The following ELFN2 variants were observed in gnomAD, a reference collection of about 807,000 sequenced individuals.
ELFN2 encodes protein phosphatase 1 regulatory subunit 29.
A neutral mutation model predicts 45.5 loss-of-function variants in ELFN2; 17 were observed. That is an observed-to-expected ratio of 0.37 (90% CI 0.26 to 0.56). The LOEUF (loss-of-function observed/expected upper bound fraction) is 0.56. Ranked by LOEUF, ELFN2 falls within the 20% of genes least tolerant of loss-of-function variation. The pLI, the probability that ELFN2 is intolerant of heterozygous loss-of-function variation, is 0.77. For missense variants in ELFN2, 922 were observed against 1,183.2 expected, an observed-to-expected ratio of 0.78 and a Z score of 3.24; for synonymous variants, 550 against 551.5, an observed-to-expected ratio of 1.00 and a Z score of 0.04.
intron 2 of ELFN2, among the ~76,000 whole-genome samples, chr22:37,412,093 C>G (rs1400876189): frequency 2.6e-5 from 4 of 152,036 alleles, no homozygotes; most frequent in Admixed American, 2.6e-4. Context: ...GCCTGTAATC[C>G]CAGCATTTTG....
intron 1 of ELFN2, among the ~76,000 whole-genome samples, chr22:37,357,274 G>C (rs1436066461): frequency 6.6e-6 from 1 of 152,172 alleles, no homozygotes; most frequent in African/African-American, 2.4e-5. Context: ...ACTTGAGTAC[G>C]GGGCCTCACG....
At chr22:37,381,632 C>T (rs139129108) in intron 2 of ELFN2, among the ~76,000 whole-genome samples, 271 of 152,222 alleles carry the variant, frequency 1.8e-3, no homozygotes, top group Middle Eastern at 0.014. Flanking sequence ...CACTACCTGA[C>T]GTCACTTAAT....
At position 37,396,602 on chromosome 22, in the gene ELFN2, C is replaced by T. The variant is rs1377324642; in HGVS notation, c.-462-20606G>A. 2.6e-5 allele frequency among the ~76,000 whole-genome samples: 4 copies of T among 152,322 alleles called. No individual in the cohort carries two copies. The East Asian group carries it at 7.7e-4, about 29-fold the overall frequency. On this transcript the variant is annotated intron_variant, in intron 2 of 2. Transcript: ENST00000402918. ...GTGAGGAAACTGAACCCAGAGAGGA[C>T]AAGAGCCTTGAGCCCTACGGCCTCC...
At position 37,373,782 on chromosome 22, in the gene ELFN2, C is replaced by G; in HGVS notation, c.1753G>C (p.Ala585Pro). ...GGGCCAGTGGCTGAGGAGGCGGCAGCAGCTGCAGGGAGGGACTGGCACTCG... is the reference window on the plus strand; with the variant it reads ...GGGCCAGTGGCTGAGGAGGCGGCAGGAGCTGCAGGGAGGGACTGGCACTCG... ...AFECQSLPAA[A>P]AASSATGPGA... Residue 585 changes from alanine to proline, a missense_variant, in exon 3 of 3, where the codon GCT becomes CCT. This residue lies in a region of ELFN2 where 564 missense variants were observed against 642.8 expected (regional missense o/e 0.88). Transcript: ENST00000402918. 6.3e-7 allele frequency: 1 copy of G among 1,598,630 alleles called. No individual in the cohort carries two copies. Among genetic ancestry groups the G allele is most frequent in the East Asian group, 2.2e-5 (1 of 44,798 alleles).
At position 37,374,724 on chromosome 22, in the gene ELFN2, C is replaced by T. The variant is rs1432979878; in HGVS notation, c.811G>A (p.Glu271Lys). The stretch of plus-strand genomic sequence containing the variant: ...TCGTCGGGGTTGAAGCCCGAGTTCT[C>T]GTCTGGCTCCCTCTGGGCGTCGGTG... ...YSTDAQREPD[E>K]NSGFNPDEIL... Residue 271 changes from glutamate to lysine, a missense_variant, in exon 3 of 3, where the codon GAG (glutamate) becomes AAG (lysine). By Grantham distance (56) the Glu-to-Lys change is moderately conservative. Coordinates refer to ENST00000402918, the MANE Select transcript of ELFN2 (RefSeq NM_052906.5). The T allele has an allele frequency of 6.2e-7, 1 of 1,611,854 alleles. No individual in the cohort carries two copies. Among genetic ancestry groups the T allele is most frequent in the Non-Finnish European group, 8.5e-7 (1 of 1,178,780 alleles).
At chr22:37,425,422 G>A (rs930113031) in intron 1 of ELFN2, among the ~76,000 whole-genome samples, 18 of 152,140 alleles carry the variant, frequency 1.2e-4, no homozygotes, top group African/African-American at 3.9e-4. Flanking sequence ...GAGGGACCAC[G>A]CCACGCGTCC....
chr22:37,377,583 G>A (rs1294061643), intron 2 of ELFN2, among the ~76,000 whole-genome samples: 1 of 152,246 alleles, frequency 6.6e-6, no homozygotes, highest in East Asian at 1.9e-4. Context: ...GTGAGGGGTC[G>A]GGGGTTAATC....
At chr22:37,419,991 C>T (rs920009777) in intron 1 of ELFN2, among the ~76,000 whole-genome samples, 3 of 152,286 alleles carry the variant, frequency 2.0e-5, no homozygotes, top group African/African-American at 7.2e-5. Context: ...AAATTGGCTG[C>T]GAGCGTCAGG....
intron 1 of ELFN2, among the ~76,000 whole-genome samples, chr22:37,345,120 G>A (rs1369422254): frequency 1.5e-5 from 2 of 133,600 alleles, no homozygotes; most frequent in Admixed American, 7.1e-5. Flanking sequence ...CTACCTTCCT[G>A]TGCCCCCTTC....
At position 37,408,303 on chromosome 22, in the gene ELFN2, G is replaced by A. The variant is rs559958179; in HGVS notation, c.-463+9466C>T. ...ATCAGCTCCCAATCACGGGATCTGC[G>A]GCCCGCACTCCAGGGGATACACTCA... On this transcript the variant is annotated intron_variant, in intron 2 of 2. Coordinates refer to ENST00000402918, the MANE Select transcript of ELFN2 (RefSeq NM_052906.5). Among the ~76,000 whole-genome samples the A allele has an allele frequency of 3.7e-4, 57 of 152,316 alleles. 1 individual carries two copies. In the South Asian group the frequency reaches 0.011, roughly 29 times the overall value.
chr22:37,350,488 C>T (rs768873630), intron 1 of ELFN2, among the ~76,000 whole-genome samples: 1 of 150,456 alleles, frequency 6.6e-6, no homozygotes, highest in Non-Finnish European at 1.5e-5. Flanking sequence ...CACTACTGAT[C>T]CCACATTGCT....
At chr22:37,413,021 T>C (rs1274682521) in intron 2 of ELFN2, among the ~76,000 whole-genome samples, 1 of 152,100 alleles carries the variant, frequency 6.6e-6, no homozygotes, top group Non-Finnish European at 1.5e-5. Context: ...GAAGAGAATC[T>C]CTCCAGGCCT....
chr22:37,341,845 A>T (rs1601727984), intron 2 of ELFN2, among the ~76,000 whole-genome samples: 1 of 152,228 alleles, frequency 6.6e-6, no homozygotes, highest in African/African-American at 2.4e-5. Context: ...GCCCCTCCTC[A>T]GAATGAGGAA....
intron 2 of ELFN2, among the ~76,000 whole-genome samples, chr22:37,399,027 A>G (rs1363878130): frequency 6.6e-6 from 1 of 152,098 alleles, no homozygotes; most frequent in Non-Finnish European, 1.5e-5. Context: ...CACAGCGTCC[A>G]GCCTTTTCCT....
At chr22:37,426,000 C>T (rs1245590137) in intron 1 of ELFN2, among the ~76,000 whole-genome samples, 4 of 152,124 alleles carry the variant, frequency 2.6e-5, no homozygotes, top group Non-Finnish European at 5.9e-5. Flanking sequence ...CCTCCAGGTG[C>T]TGCCAGCACC....
intron 1 of ELFN2, among the ~76,000 whole-genome samples, chr22:37,351,757 G>A (rs916800032): frequency 4.0e-5 from 6 of 150,922 alleles, no homozygotes; most frequent in Non-Finnish European, 7.4e-5. Context: ...CCCCAGACCT[G>A]TCAGCTTTCC....
rs1175086335 is a variant in ELFN2 at position 37,371,709 on chromosome 22, A to C, written c.*1363T>G. The C allele has an allele frequency of 6.6e-6, 1 of 152,586 alleles. No homozygotes were observed. Among genetic ancestry groups the C allele is most frequent in the Non-Finnish European group, 1.5e-5 (1 of 68,110 alleles). The allele number at this position is 152,586 out of a possible 1,614,324, so 9.5% of individuals were successfully genotyped here. Reference sequence around the variant, plus strand: ...AGGCACAGGGTTACCATGGTGACAGAGGCTGGCTGGGAGGGGCTGGGGCGC... The same window carrying C: ...AGGCACAGGGTTACCATGGTGACAGCGGCTGGCTGGGAGGGGCTGGGGCGC... On this transcript the variant is annotated 3_prime_UTR_variant, in exon 3 of 3. Coordinates refer to ENST00000402918, the MANE Select transcript of ELFN2 (RefSeq NM_052906.5). The surrounding 1 kb of genome is among the most constrained non-coding windows in gnomAD (Gnocchi z 6.4).
At chr22:37,413,679 C>A (rs1267276293) in intron 2 of ELFN2, among the ~76,000 whole-genome samples, 1 of 152,182 alleles carries the variant, frequency 6.6e-6, no homozygotes, top group Admixed American at 6.5e-5. Context: ...TAGAAGCCAG[C>A]CCAGATATTA....
At chr22:37,379,776 ACT>A (rs890795214) in intron 2 of ELFN2, among the ~76,000 whole-genome samples, 1 of 151,906 alleles carries the variant, frequency 6.6e-6, no homozygotes, top group African/African-American at 2.4e-5. Context: ...CCCCAAAGTC[ACT>A]CTCAGCAAAT....
Sources: allele counts gnomAD v4.1 joint callset (sites outside exome capture counted in the v4.1 genomes callset), GRCh38; gene constraint gnomAD v4.1.1; regional missense constraint gnomAD v4.1.1; non-coding constraint Gnocchi (gnomAD v3.1); transcripts MANE v1.5; gene names NCBI Gene and HGNC (gene_info 2026-07-23, HGNC 2026-07-21).